TNRC6C: variants seen among roughly 807,000 people sequenced by gnomAD.
TNRC6C encodes the protein trinucleotide repeat-containing gene 6C protein.
Under a neutral mutation model 153.7 loss-of-function variants are expected in TNRC6C, and 20 were observed. The ratio of observed to expected loss-of-function variants is 0.13; its 90% CI spans 0.09 to 0.19. The LOEUF is 0.19. Ranked by LOEUF, TNRC6C falls within the 10% of genes least tolerant of loss-of-function variation. The pLI is 1.00. For missense variants in TNRC6C, 1,987 were observed against 2,172.0 expected (o/e 0.91, Z 1.69); for synonymous variants, 811 against 841.4 (o/e 0.96, Z 0.63).
chr17:78,102,390 A>G, intron 17 of TNRC6C, 84 bp from the exon 21 acceptor site: 1 of 1,277,524 alleles, frequency 7.8e-7, no homozygotes, highest in Non-Finnish European at 1.1e-6. Context: ...GCTGTCCCAC[A>G]CTTCAGCACA....
At chr17:78,030,122 TACTACTGTACATA>T (rs145156660) in intron 1 of TNRC6C, among the ~76,000 whole-genome samples, 2,581 of 152,222 alleles carry the variant, frequency 0.017, 74 homozygotes, top group African/African-American at 0.059. Context: ...TGTACATAAT[TACTACTGTACATA>T]ATGTATGTGC....
chr17:77,996,734 C>T (rs930790286), intron 1 of TNRC6C, among the ~76,000 whole-genome samples: 5 of 152,164 alleles, frequency 3.3e-5, no homozygotes, highest in Admixed American at 6.5e-5. Context: ...AACTTCCAGC[C>T]CTCTGATTCT....
intron 2 of TNRC6C, among the ~76,000 whole-genome samples, chr17:78,032,433 T>C (rs1429176416): frequency 1.3e-5 from 2 of 152,264 alleles, no homozygotes; most frequent in Non-Finnish European, 2.9e-5. Context: ...GTCTCTCATT[T>C]CCTGTCAGCT....
chr17:77,972,543 A>G (rs2070947829), intron 1 of TNRC6C, among the ~76,000 whole-genome samples: 1 of 151,990 alleles, frequency 6.6e-6, no homozygotes, highest in South Asian at 2.1e-4. Flanking sequence ...AAGAGGGGAC[A>G]TGACTGCTGA....
upstream of TNRC6C, among the ~76,000 whole-genome samples, chr17:77,999,653 T>C (rs575022614): frequency 8.9e-4 from 136 of 152,334 alleles, 1 homozygote; most frequent in African/African-American, 3.1e-3. Context: ...TTGCATGGTT[T>C]CCATGGGTTC....
At chr17:77,976,999 A>T (rs2071010668) in intron 1 of TNRC6C, among the ~76,000 whole-genome samples, 1 of 151,444 alleles carries the variant, frequency 6.6e-6, no homozygotes, top group African/African-American at 2.4e-5. Context: ...GTTAAAGAGG[A>T]AAAAAATAGA....
chr17:78,001,483 TAGA>T (rs2071411008), upstream of TNRC6C, among the ~76,000 whole-genome samples: 2 of 152,140 alleles, frequency 1.3e-5, no homozygotes, highest in East Asian at 3.9e-4. Flanking sequence ...GATGTATGAA[TAGA>T]AGAATGACTG....
At chr17:78,032,882 G>A (rs764894116) in intron 2 of TNRC6C, among the ~76,000 whole-genome samples, 2 of 152,144 alleles carry the variant, frequency 1.3e-5, no homozygotes, top group Admixed American at 6.5e-5. Flanking sequence ...CTTGGCTTTC[G>A]TCTGCTAACC....
At chr17:77,966,371 G>A (rs1022947872) in intron 1 of TNRC6C, among the ~76,000 whole-genome samples, 1 of 152,178 alleles carries the variant, frequency 6.6e-6, no homozygotes, top group South Asian at 2.1e-4. Context: ...ACTGGCTGTT[G>A]TAGCTGTCTG....
chr17:77,967,717 A>G (rs904499718), intron 1 of TNRC6C, among the ~76,000 whole-genome samples: 4 of 152,256 alleles, frequency 2.6e-5, no homozygotes, highest in Non-Finnish European at 5.9e-5. Context: ...TAGGTATGAT[A>G]GATCAATTAC....
chr17:78,047,225 G>C (rs922806232), intron 2 of TNRC6C, among the ~76,000 whole-genome samples: 3 of 152,042 alleles, frequency 2.0e-5, no homozygotes, highest in Non-Finnish European at 4.4e-5. Context: ...ATGAGGAATG[G>C]CTTATTTATC....
intron 9 of TNRC6C, among the ~76,000 whole-genome samples, chr17:78,078,355 T>G (rs1001858920): frequency 6.6e-6 from 1 of 152,218 alleles, no homozygotes; most frequent in East Asian, 1.9e-4. Context: ...ATTTGTCAGG[T>G]AACTCATTAC....
intron 6 of TNRC6C, among the ~76,000 whole-genome samples, chr17:78,071,915 G>A (rs529620104): frequency 2.6e-5 from 4 of 152,250 alleles, no homozygotes; most frequent in African/African-American, 9.6e-5. Context: ...ATAATTGTAG[G>A]GCGTTCCCCT....
chr17:78,065,016 T>A, intron 4 of TNRC6C, 79 bp downstream of exon 6: 1 of 1,443,252 alleles, frequency 6.9e-7, no homozygotes. Context: ...ATTAGAGTTT[T>A]AGGATACTTT....
exon 20 of TNRC6C, chr17:78,105,639 G>A (rs966079609): frequency 3.3e-5 from 5 of 152,058 alleles, no homozygotes; most frequent in African/African-American, 1.2e-4. Flanking sequence ...ACAGAAGTGT[G>A]TGTGTGTGTG....
chr17:78,013,498 G>A (rs1044455440), intron 1 of TNRC6C, among the ~76,000 whole-genome samples: 1 of 152,198 alleles, frequency 6.6e-6, no homozygotes, highest in Non-Finnish European at 1.5e-5. Context: ...GATATTTATT[G>A]AGCACCTGCT....
intron 1 of TNRC6C, among the ~76,000 whole-genome samples, chr17:77,975,612 G>A (rs1240217554): frequency 6.6e-6 from 1 of 151,914 alleles, no homozygotes; most frequent in Non-Finnish European, 1.5e-5. Context: ...TTTCTTTTTT[G>A]GGTAAAATCT....
chr17:78,063,520 T>G (rs1413280274), intron 3 of TNRC6C, among the ~76,000 whole-genome samples: 1 of 152,006 alleles, frequency 6.6e-6, no homozygotes, highest in South Asian at 2.1e-4. Flanking sequence ...ATCTCTAACC[T>G]GTTTCCACAA....
rs369214288 is a variant in TNRC6C, at chr17:78,063,931, A to G, written c.2396-791A>G. The stretch of plus-strand genomic sequence containing the variant: ...AGCTATTTAACCATAGTTTTAAACT[A>G]TTCTTTTAAACCCTACTATGTTGCA... On this transcript the variant is annotated intron_variant, in intron 3 of 19. Transcript: ENST00000301624. Among the ~76,000 whole-genome samples, 20 of 152,362 alleles carry G rather than the reference A, an allele frequency of 1.3e-4. No homozygotes were observed. The South Asian group carries it at 4.1e-3, about 32-fold the overall frequency.
Sources: allele counts gnomAD v4.1 joint callset (sites outside exome capture counted in the v4.1 genomes callset), GRCh38; gene constraint gnomAD v4.1.1; transcripts MANE v1.5; gene names NCBI Gene and HGNC (gene_info 2026-07-23, HGNC 2026-07-21).